SEPTIN14: variants seen among roughly 807,000 people sequenced by gnomAD.
SEPTIN14 encodes septin 14.
A neutral mutation model predicts 53.6 loss-of-function variants in SEPTIN14; 40 were observed. The ratio of observed to expected loss-of-function variants is 0.75; its 90% CI spans 0.58 to 0.97. The LOEUF (loss-of-function observed/expected upper bound fraction) is 0.97, where lower values mean the gene tolerates loss of function less well. SEPTIN14 is among the 50% of genes least tolerant of loss of function. SEPTIN14 has a pLI of 0.00. For synonymous variants in SEPTIN14, 138 were observed against 166.8 expected (o/e 0.83, Z 1.33); for missense variants, 471 against 508.2 (o/e 0.93, Z 0.70).
chr7:55,809,538 G>C (rs1431575822), intron 7 of SEPTIN14, among the ~76,000 whole-genome samples: 1 of 151,398 alleles, frequency 6.6e-6, no homozygotes, highest in East Asian at 1.9e-4. Flanking sequence ...GTATTTTTTA[G>C]TAGAGACGGG....
intron 9 of SEPTIN14, chr7:55,798,151 A>G (rs1727095530): frequency 1.5e-5 from 3 of 203,774 alleles, no homozygotes; most frequent in African/African-American, 4.7e-5. Flanking sequence ...CTGGTACTCC[A>G]TCTCCTTCCT....
At chr7:55,833,149 C>A (rs1272284272) in intron 6 of SEPTIN14, among the ~76,000 whole-genome samples, 1 of 151,778 alleles carries the variant, frequency 6.6e-6, no homozygotes, top group East Asian at 1.9e-4. Context: ...CCCCATCCTA[C>A]TAAAAATACA....
intron 2 of SEPTIN14, among the ~76,000 whole-genome samples, chr7:55,857,393 AAAGAG>A (rs200378180): frequency 5.6e-4 from 81 of 144,638 alleles, no homozygotes; most frequent in Admixed American, 7.7e-4. Context: ...GAAAAGGAAA[AAAGAG>A]AAGAGAAGAG....
At chr7:55,857,775 G>A (rs1247024779) in intron 2 of SEPTIN14, among the ~76,000 whole-genome samples, 1 of 151,200 alleles carries the variant, frequency 6.6e-6, no homozygotes, top group Non-Finnish European at 1.5e-5. Context: ...TTTTAGTAGA[G>A]ACGGGGTTTC....
intron 2 of SEPTIN14, among the ~76,000 whole-genome samples, 199 bp from the exon 3 acceptor site, chr7:55,846,836 TA>T (rs1789424844): frequency 6.6e-6 from 1 of 152,164 alleles, no homozygotes; most frequent in Non-Finnish European, 1.5e-5. Context: ...CTATTATTTT[TA>T]TAAATAAAGT....
chr7:55,836,599 G>A (rs182277804), intron 5 of SEPTIN14, among the ~76,000 whole-genome samples: 47 of 152,156 alleles, frequency 3.1e-4, no homozygotes, highest in African/African-American at 1.1e-3. Context: ...TTAGCCAGGC[G>A]TGTTGGCTCA....
chr7:55,812,756 T>C (rs12538049), intron 7 of SEPTIN14, among the ~76,000 whole-genome samples: 65,012 of 151,844 alleles, frequency 0.43, 14,161 homozygotes, highest in East Asian at 0.64. Context: ...CTGACGATTA[T>C]AGTAAAGAGA....
intron 2 of SEPTIN14, among the ~76,000 whole-genome samples, chr7:55,848,591 C>T (rs926836438): frequency 6.6e-6 from 1 of 150,874 alleles, no homozygotes; most frequent in South Asian, 2.1e-4. Flanking sequence ...TCACTGAGCC[C>T]GATCTACTAA....
At chr7:55,850,400 G>A (rs1167214870) in intron 2 of SEPTIN14, among the ~76,000 whole-genome samples, 1 of 152,114 alleles carries the variant, frequency 6.6e-6, no homozygotes, top group African/African-American at 2.4e-5. Flanking sequence ...AACCCAGGAG[G>A]CAGAGGTTGC....
chr7:55,843,257 T>C, intron 4 of SEPTIN14, 129 bp from the exon 5 acceptor site: 1 of 518,272 alleles, frequency 1.9e-6, no homozygotes, highest in Non-Finnish European at 3.4e-6. Flanking sequence ...GTTCATAACA[T>C]GTCCATACAA....
chr7:55,843,362 G>C (rs1354094444), intron 4 of SEPTIN14, among the ~76,000 whole-genome samples: 1 of 152,100 alleles, frequency 6.6e-6, no homozygotes, highest in Admixed American at 6.6e-5. Flanking sequence ...TCCGACAGGG[G>C]ACTAGTATCC....
chr7:55,857,548 AGGGG>A (rs1789660379), intron 2 of SEPTIN14, among the ~76,000 whole-genome samples: 1 of 43,642 alleles, frequency 2.3e-5, no homozygotes. Flanking sequence ...GGAAGAGAGG[AGGGG>A]AGGGGAGGGG....
chr7:55,833,250 G>A (rs902301216), intron 6 of SEPTIN14, among the ~76,000 whole-genome samples: 1 of 150,626 alleles, frequency 6.6e-6, no homozygotes, highest in Admixed American at 6.6e-5. Context: ...GGGAGGCAGA[G>A]GTTGCAGTGA....
At chr7:55,820,462 CTG>C (rs1157525235) in intron 6 of SEPTIN14, among the ~76,000 whole-genome samples, 1 of 152,102 alleles carries the variant, frequency 6.6e-6, no homozygotes, top group Non-Finnish European at 1.5e-5. Flanking sequence ...ATTCTAGACT[CTG>C]TGTTTCAGAT....
chr7:55,858,143 A>G (rs1789677717), intron 2 of SEPTIN14, among the ~76,000 whole-genome samples: 1 of 152,180 alleles, frequency 6.6e-6, no homozygotes, highest in African/African-American at 2.4e-5. Context: ...CGCTGGTGAA[A>G]GCACATTGCT....
In SEPTIN14 at chr7:55,807,250, C is replaced by G. The variant is rs78957351; in HGVS notation, c.826G>C (p.Glu276Gln). Residue 276 changes from glutamate to glutamine, a missense_variant, in exon 8 of 10, where the codon GAA (glutamate) becomes CAA (glutamine). Physicochemically the swap from Glu to Gln is conservative, Grantham distance 29 (BLOSUM62 2). Coordinates refer to ENST00000388975, the MANE Select transcript of SEPTIN14 (RefSeq NM_207366.3). ...AGCTTAACGAAGTCACAGTGATTTT[C>G]ATTTTCCACTAGTAAAAAAATAATA... ...YPWGVLQVEN[E>Q]NHCDFVKLRD... The G allele has an allele frequency of 4.7e-5, 74 of 1,571,680 alleles. No homozygotes were observed. Among genetic ancestry groups the G allele is most frequent in the Non-Finnish European group, 6.3e-5 (73 of 1,164,266 alleles).
chr7:55,806,302 T>C (rs1484410625), intron 8 of SEPTIN14, among the ~76,000 whole-genome samples: 5 of 150,754 alleles, frequency 3.3e-5, no homozygotes, highest in African/African-American at 1.2e-4. Flanking sequence ...CACCCGGCTC[T>C]ATTCTTCAAG....
intron 2 of SEPTIN14, among the ~76,000 whole-genome samples, chr7:55,857,803 G>A (rs1789670310): frequency 6.6e-6 from 1 of 151,462 alleles, no homozygotes; most frequent in South Asian, 2.1e-4. Context: ...TAGCCAGGAT[G>A]GTCTCGATCT....
At chr7:55,811,774 C>T (rs1340847094) in intron 7 of SEPTIN14, among the ~76,000 whole-genome samples, 1 of 151,328 alleles carries the variant, frequency 6.6e-6, no homozygotes, top group Non-Finnish European at 1.5e-5. Context: ...ACTGGGATTA[C>T]AGGTGTGAGC....
Sources: allele counts gnomAD v4.1 joint callset (sites outside exome capture counted in the v4.1 genomes callset), GRCh38; gene constraint gnomAD v4.1.1; transcripts MANE v1.5; gene names NCBI Gene and HGNC (gene_info 2026-07-23, HGNC 2026-07-21).